ARHGAP15: variants seen among roughly 807,000 people sequenced by gnomAD.
ARHGAP15 encodes Rho GTPase activating protein 15.
Under a neutral mutation model 63.7 loss-of-function variants are expected in ARHGAP15, and 51 were observed. The ratio of observed to expected loss-of-function variants is 0.80; its 90% CI spans 0.64 to 1.01. The LOEUF (loss-of-function observed/expected upper bound fraction) is 1.01, where lower values mean the gene tolerates loss of function less well. Among genes scored for constraint, ARHGAP15 ranks in the 50% least tolerant of loss-of-function variants. ARHGAP15 has a pLI of 0.00. For missense variants in ARHGAP15, 560 were observed against 564.6 expected (o/e 0.99, Z 0.08); for synonymous variants, 191 against 193.8 (o/e 0.99, Z 0.12).
intron 8 of ARHGAP15, among the ~76,000 whole-genome samples, chr2:143,470,843 T>TAC (rs1455995799): frequency 8.6e-5 from 13 of 150,314 alleles, no homozygotes; most frequent in South Asian, 4.2e-4. Context: ...TATATATATA[T>TAC]ACACACACAC....
At chr2:143,196,034 A>G (rs1315478260) in intron 2 of ARHGAP15, among the ~76,000 whole-genome samples, 5 of 152,166 alleles carry the variant, frequency 3.3e-5, no homozygotes, top group Admixed American at 6.5e-5. Flanking sequence ...CTGACTTTTT[A>G]ATTCCTCTTT....
At chr2:143,714,761 A>G (rs1381228380) in intron 13 of ARHGAP15, among the ~76,000 whole-genome samples, 2 of 152,216 alleles carry the variant, frequency 1.3e-5, no homozygotes, top group Non-Finnish European at 2.9e-5. Flanking sequence ...CTTTGCCAAA[A>G]CATAACAAGA....
chr2:143,335,475 T>C (rs1684731178), intron 6 of ARHGAP15, among the ~76,000 whole-genome samples: 1 of 152,124 alleles, frequency 6.6e-6, no homozygotes, highest in South Asian at 2.1e-4. Context: ...CTTGCATAGT[T>C]TTGTTTGGGA....
At chr2:143,596,522 A>G (rs1014261775) in intron 11 of ARHGAP15, among the ~76,000 whole-genome samples, 3 of 152,122 alleles carry the variant, frequency 2.0e-5, no homozygotes, top group Non-Finnish European at 1.5e-5. Flanking sequence ...CTATATGATG[A>G]TCACTTCAAA....
At chr2:143,201,173 G>A (rs1170717602) in intron 2 of ARHGAP15, among the ~76,000 whole-genome samples, 1 of 150,448 alleles carries the variant, frequency 6.6e-6, no homozygotes, top group Non-Finnish European at 1.5e-5. Context: ...GCAGTTGTGT[G>A]ATCATAGCTT....
intron 13 of ARHGAP15, among the ~76,000 whole-genome samples, chr2:143,713,411 A>G (rs900969536): frequency 1.3e-5 from 2 of 152,162 alleles, no homozygotes; most frequent in Non-Finnish European, 2.9e-5. Flanking sequence ...GGAAATTCTC[A>G]GAGATACAAT....
chr2:143,330,021 G>T (rs1324723158), intron 6 of ARHGAP15, among the ~76,000 whole-genome samples: 1 of 138,610 alleles, frequency 7.2e-6, no homozygotes, highest in Non-Finnish European at 1.5e-5. Context: ...GAGCCCAGGA[G>T]GCAGAGGTTG....
intron 13 of ARHGAP15, among the ~76,000 whole-genome samples, chr2:143,733,172 A>G (rs1470979175): frequency 6.6e-6 from 1 of 152,178 alleles, no homozygotes; most frequent in African/African-American, 2.4e-5. Flanking sequence ...TCAGGAGGTC[A>G]GTTGGGAGAA....
intron 6 of ARHGAP15, among the ~76,000 whole-genome samples, chr2:143,320,742 C>T (rs1030227264): frequency 3.9e-5 from 6 of 152,054 alleles, no homozygotes; most frequent in African/African-American, 9.7e-5. Flanking sequence ...TGGATAGTTG[C>T]GTCCCCTGGT....
At chr2:143,677,423 G>T (rs1162090762) in intron 12 of ARHGAP15, among the ~76,000 whole-genome samples, 1 of 152,144 alleles carries the variant, frequency 6.6e-6, no homozygotes, top group Non-Finnish European at 1.5e-5. Context: ...TTCCCAGAAA[G>T]ATATATTTTT....
Position 143,624,124 on chromosome 2 carries a change from T to A in ARHGAP15, c.1004-9T>A. The A allele has an allele frequency of 1.9e-6, 3 of 1,612,240 alleles. No homozygotes were observed. Among genetic ancestry groups the A allele is most frequent in the Non-Finnish European group, 2.5e-6 (3 of 1,178,820 alleles). On this transcript the variant is annotated splice_polypyrimidine_tract_variant and intron_variant, in intron 11 of 13. Transcript: ENST00000295095. ...ACCAGTTGTTCCATTTCTCCTCGTG[T>A]TTTCCCAGAAGAGAAGCTGAATTTG...
intron 11 of ARHGAP15, among the ~76,000 whole-genome samples, chr2:143,579,388 A>G (rs1258230189): frequency 6.6e-6 from 1 of 152,192 alleles, no homozygotes. Context: ...GTCTCATTAC[A>G]TTTGAATCTG....
intron 11 of ARHGAP15, among the ~76,000 whole-genome samples, chr2:143,618,840 T>TA (rs1698543869): frequency 6.6e-6 from 1 of 151,944 alleles, no homozygotes; most frequent in African/African-American, 2.4e-5. Context: ...CTCCTTTTTT[T>TA]TTTTCCTTTG....
At position 143,521,643 on chromosome 2, in the gene ARHGAP15, G is replaced by T. The variant is rs1158539450; in HGVS notation, c.925+2279G>T. On this transcript the variant is annotated intron_variant, in intron 10 of 13. Coordinates refer to ENST00000295095, the MANE Select transcript of ARHGAP15 (RefSeq NM_018460.4). ...CCCAGCCAAGAAACTCAACTGCAGA[G>T]TCATGGGAAATGCTGATGGACCAGT... Among the ~76,000 whole-genome samples the T allele has an allele frequency of 2.0e-5, 3 of 152,122 alleles. No individual in the cohort carries two copies. The East Asian group carries it at 5.8e-4, about 29-fold the overall frequency.
At chr2:143,415,228 A>C (rs1438379920) in intron 6 of ARHGAP15, among the ~76,000 whole-genome samples, 1 of 152,176 alleles carries the variant, frequency 6.6e-6, no homozygotes, top group Non-Finnish European at 1.5e-5. Flanking sequence ...AAATTGATAA[A>C]ATTGAATACC....
At chr2:143,223,699 T>A (rs1235166201) in intron 4 of ARHGAP15, among the ~76,000 whole-genome samples, 3 of 152,116 alleles carry the variant, frequency 2.0e-5, no homozygotes, top group Non-Finnish European at 2.9e-5. Context: ...CCCTGACAAG[T>A]GTTCCTTATC....
chr2:143,437,176 G>A, intron 8 of ARHGAP15, 134 bp downstream of exon 8: 1 of 1,079,036 alleles, frequency 9.3e-7, no homozygotes, highest in Non-Finnish European at 1.3e-6. Context: ...CCTGGCCAGG[G>A]ATTTGTGCAC....
chr2:143,561,683 T>C (rs115540452), intron 11 of ARHGAP15, among the ~76,000 whole-genome samples: 10 of 152,084 alleles, frequency 6.6e-5, no homozygotes, highest in Non-Finnish European at 1.0e-4. Context: ...GCTCGGCTAA[T>C]ATTTGTATTT....
chr2:143,436,078 A>G (rs2105091099), intron 7 of ARHGAP15, among the ~76,000 whole-genome samples: 1 of 152,248 alleles, frequency 6.6e-6, no homozygotes, highest in South Asian at 2.1e-4. Context: ...CTGTTATAAT[A>G]CCAATAAATA....
Sources: gnomAD v4.1 joint callset for allele counts (sites outside exome capture counted in the v4.1 genomes callset) on GRCh38, gnomAD v4.1.1 for gene constraint, MANE v1.5 for transcripts, NCBI Gene and HGNC (gene_info 2026-07-23, HGNC 2026-07-21) for gene names.